NWD2: variants seen among roughly 807,000 people sequenced by gnomAD.
NWD2 encodes NACHT and WD repeat domain-containing protein 2.
Under a neutral mutation model 132.7 loss-of-function variants are expected in NWD2, and 37 were observed. The observed-to-expected ratio is 0.28, with a 90% CI of 0.21 to 0.37. The LOEUF (loss-of-function observed/expected upper bound fraction) is 0.37, where lower values mean the gene tolerates loss of function less well. NWD2 is among the 10% of genes least tolerant of loss of function. The probability of loss-of-function intolerance (pLI) is 1.00; values close to 1 mark genes in which losing one functional copy is unlikely to be tolerated. For synonymous variants in NWD2, 705 were observed against 803.0 expected (o/e 0.88, Z 2.06); for missense variants, 1,592 against 2,122.4 (o/e 0.75, Z 4.91).
intron 1 of NWD2, among the ~76,000 whole-genome samples, chr4:37,319,114 C>T (rs947155376): frequency 1.3e-5 from 2 of 152,264 alleles, no homozygotes; most frequent in Non-Finnish European, 2.9e-5. Context: ...TAAGCATTCT[C>T]TTTTCACTGC....
intron 1 of NWD2, among the ~76,000 whole-genome samples, chr4:37,251,781 A>G (rs1172502784): frequency 6.6e-6 from 1 of 152,218 alleles, no homozygotes; most frequent in Non-Finnish European, 1.5e-5. Flanking sequence ...AATGGAGGGA[A>G]GAGATAATGA....
At chr4:37,264,785 AC>A (rs34700103) in intron 1 of NWD2, among the ~76,000 whole-genome samples, 21,385 of 152,156 alleles carry the variant, frequency 0.14, 1,633 homozygotes, top group African/African-American at 0.18. Flanking sequence ...TTGTAAAAAA[AC>A]ATTATATAAA....
chr4:37,315,764 C>T (rs879881428), intron 1 of NWD2, among the ~76,000 whole-genome samples: 5 of 151,898 alleles, frequency 3.3e-5, no homozygotes, highest in Non-Finnish European at 7.4e-5. Flanking sequence ...TTCGTTTGTT[C>T]CCACTTGACT....
chr4:37,370,423 G>A (rs1334568582), intron 3 of NWD2, among the ~76,000 whole-genome samples: 1 of 152,128 alleles, frequency 6.6e-6, no homozygotes, highest in Non-Finnish European at 1.5e-5. Flanking sequence ...CAAATGGATT[G>A]ACCGCTGTAC....
At chr4:37,261,797 A>C (rs1717641432) in intron 1 of NWD2, among the ~76,000 whole-genome samples, 1 of 152,234 alleles carries the variant, frequency 6.6e-6, no homozygotes, top group Non-Finnish European at 1.5e-5. Context: ...AAGAGAAAGA[A>C]TAATGGGCAG....
chr4:37,333,166 G>C (rs1447087182), intron 2 of NWD2, among the ~76,000 whole-genome samples: 1 of 152,162 alleles, frequency 6.6e-6, no homozygotes, highest in Non-Finnish European at 1.5e-5. Flanking sequence ...AGGACAACTT[G>C]CTGCCCTAAA....
intron 1 of NWD2, among the ~76,000 whole-genome samples, chr4:37,270,297 A>T (rs1717842050): frequency 6.6e-6 from 1 of 151,898 alleles, no homozygotes; most frequent in African/African-American, 2.4e-5. Flanking sequence ...AGAGGTATTT[A>T]AAAATTAATT....
rs1717198520 is a variant in NWD2 at position 37,244,967 on chromosome 4, C to T, written c.-101C>T. 6.8e-7 allele frequency: 1 copy of T among 1,473,160 alleles called. No homozygotes were observed. Among genetic ancestry groups the T allele is most frequent in the Non-Finnish European group, 9.1e-7 (1 of 1,101,066 alleles). The allele number at this position is 1,473,160 out of a possible 1,614,324, so 91.3% of individuals were successfully genotyped here. A position where few individuals can be genotyped will look rare whatever the true frequency, so the allele number is the denominator to read the frequency against. ...GAGCGGCTCTGAGCCGCGCCGCCTGCTGAGATCGACCGCCTGCTGAGCCGT... is the reference window on the plus strand; with the variant it reads ...GAGCGGCTCTGAGCCGCGCCGCCTGTTGAGATCGACCGCCTGCTGAGCCGT... On this transcript the variant is annotated 5_prime_UTR_variant, in exon 1 of 7. Coordinates refer to ENST00000309447, the MANE Select transcript of NWD2 (RefSeq NM_001144990.2). This position sits in a 1 kb window ranked among gnomAD's most constrained non-coding sequence, Gnocchi z 5.5.
intron 1 of NWD2, among the ~76,000 whole-genome samples, chr4:37,254,921 C>T (rs80191358): frequency 1.3e-5 from 2 of 152,242 alleles, no homozygotes; most frequent in East Asian, 1.9e-4. Flanking sequence ...GAATTTCACT[C>T]GGATGAAACC....
At chr4:37,318,574 C>CA (rs1719005217) in intron 1 of NWD2, among the ~76,000 whole-genome samples, 1 of 152,036 alleles carries the variant, frequency 6.6e-6, no homozygotes, top group Admixed American at 6.6e-5. Context: ...GTTAGTTTTG[C>CA]AACCCTTACT....
Position 37,326,041 on chromosome 4 carries a change from T to TGAAA in NWD2, c.240+17_240+18insGAAA. 1 of 1,429,154 alleles carries TGAAA rather than the reference T, an allele frequency of 7.0e-7. No homozygotes were observed. The highest frequency in any genetic ancestry group is 9.6e-7 in the Non-Finnish European group (1 of 1,036,738). 88.5% of individuals were successfully genotyped at this position (1,429,154 alleles called of 1,614,324 possible). On this transcript the variant is annotated intron_variant, in intron 2 of 6. Coordinates refer to ENST00000309447, the MANE Select transcript of NWD2 (RefSeq NM_001144990.2). ...GAATTTCAGGTAATTCTAGTGTTAATTTCATTCACAGTTATGTCCAGTTAA... is the reference window on the plus strand; with the variant it reads ...GAATTTCAGGTAATTCTAGTGTTAATGAAATTCATTCACAGTTATGTCCAGTTAA...
At chr4:37,287,098 G>A (rs999678963) in intron 1 of NWD2, among the ~76,000 whole-genome samples, 1 of 152,188 alleles carries the variant, frequency 6.6e-6, no homozygotes, top group African/African-American at 2.4e-5. Flanking sequence ...AGCCAAGGGA[G>A]GCACAGAGTG....
chr4:37,374,514 A>G (rs950030053), intron 3 of NWD2, among the ~76,000 whole-genome samples: 4 of 152,222 alleles, frequency 2.6e-5, no homozygotes, highest in African/African-American at 9.6e-5. Flanking sequence ...AATATACATG[A>G]GATGGTTTCT....
intron 2 of NWD2, among the ~76,000 whole-genome samples, chr4:37,345,821 C>T (rs1283487087): frequency 6.6e-6 from 1 of 152,110 alleles, no homozygotes; most frequent in Non-Finnish European, 1.5e-5. Flanking sequence ...GTGGCTCATG[C>T]CTGTAATCGA....
rs1039373244 is a variant in NWD2 at position 37,419,991 on chromosome 4, T to C, written c.358-10581T>C. Among the ~76,000 whole-genome samples, 26 of 152,210 alleles carry C rather than the reference T, an allele frequency of 1.7e-4. 1 individual carries two copies. Among genetic ancestry groups the C allele is most frequent in the Admixed American group, 1.7e-3 (26 of 15,274 alleles). On this transcript the variant is annotated intron_variant, in intron 3 of 6. Transcript: ENST00000309447. The stretch of plus-strand genomic sequence containing the variant: ...TTTTTATTGGCACTCTGTCTGAGAG[T>C]GCCTGTTTCCTAGTTTCCTAGAAAC...
intron 3 of NWD2, among the ~76,000 whole-genome samples, chr4:37,388,663 CAT>C (rs894402302): frequency 4.2e-5 from 6 of 143,976 alleles, no homozygotes; most frequent in Non-Finnish European, 7.5e-5. Context: ...TCATATATAT[CAT>C]ATATAAATAT....
intron 1 of NWD2, among the ~76,000 whole-genome samples, chr4:37,257,414 G>A (rs1163562754): frequency 6.6e-6 from 1 of 152,136 alleles, no homozygotes; most frequent in Non-Finnish European, 1.5e-5. Flanking sequence ...CCCAGACTTG[G>A]GTAAGATACT....
chr4:37,445,638 C>T lies in NWD2; in HGVS notation c.3650C>T (p.Thr1217Ile), dbSNP rs947039919. Residue 1217 changes from threonine to isoleucine, a missense_variant, in exon 7 of 7, where the codon ACT (threonine) becomes ATT (isoleucine). By Grantham distance (89) the Thr-to-Ile change is moderately conservative. Transcript: ENST00000309447. The surrounding 1 kb of genome is among the most constrained non-coding windows in gnomAD (Gnocchi z 4.7). ...GCCCTCAGCATTGAGCTCTTAGATA[C>T]TGGTCTGTGGAAGGTGGCTGAAAAG... ...CKALSIELLD[T>I]GLWKVAEKFR... The T allele has an allele frequency of 3.9e-6, 6 of 1,552,142 alleles. No individual in the cohort carries two copies. Among genetic ancestry groups the T allele is most frequent in the Admixed American group, 2.0e-5 (1 of 50,988 alleles).
chr4:37,341,517 A>G (rs1228976809), intron 2 of NWD2, among the ~76,000 whole-genome samples: 1 of 152,218 alleles, frequency 6.6e-6, no homozygotes, highest in Admixed American at 6.5e-5. Flanking sequence ...ACGAACAATG[A>G]AGGCAAACAT....
Sources: gnomAD v4.1 joint callset for allele counts (sites outside exome capture counted in the v4.1 genomes callset) on GRCh38, gnomAD v4.1.1 for gene constraint, Gnocchi (gnomAD v3.1) non-coding constraint, MANE v1.5 for transcripts, NCBI Gene and HGNC (gene_info 2026-07-23, HGNC 2026-07-21) for gene names.